MCF2L2: variants seen among roughly 807,000 people sequenced by gnomAD.
MCF2L2 encodes the protein probable guanine nucleotide exchange factor MCF2L2.
In MCF2L2, 102 loss-of-function variants were observed where a neutral mutation model predicts 150.2. The observed-to-expected ratio is 0.68, with a 90% CI of 0.58 to 0.80. MCF2L2 has a LOEUF of 0.80. Ranked by LOEUF, MCF2L2 falls within the 30% of genes least tolerant of loss-of-function variation. MCF2L2 has a pLI of 0.00. For missense variants in MCF2L2, 1,256 were observed against 1,372.8 expected, an observed-to-expected ratio of 0.91 and a Z score of 1.34; for synonymous variants, 465 against 491.3, an observed-to-expected ratio of 0.95 and a Z score of 0.71.
intron 7 of MCF2L2, among the ~76,000 whole-genome samples, chr3:183,313,650 T>C (rs1308297361): frequency 6.6e-6 from 1 of 152,162 alleles, no homozygotes; most frequent in Non-Finnish European, 1.5e-5. Context: ...TCAGTTTCCA[T>C]GGAAAGAAAA....
At chr3:183,423,636 T>A (rs58479445) in intron 1 of MCF2L2, among the ~76,000 whole-genome samples, 11 of 106,214 alleles carry the variant, frequency 1.0e-4, no homozygotes, top group East Asian at 2.4e-4. Context: ...TTATTTGTTT[T>A]TTTTTTTTTT....
At chr3:183,274,212 C>CA (rs141319160) in intron 15 of MCF2L2, among the ~76,000 whole-genome samples, 4,249 of 126,546 alleles carry the variant, frequency 0.034, 122 homozygotes, top group African/African-American at 0.087. Flanking sequence ...GAGACTGTCT[C>CA]AAAAAAAAAA....
chr3:183,351,460 T>C (rs1181145496), intron 3 of MCF2L2, among the ~76,000 whole-genome samples: 1 of 151,832 alleles, frequency 6.6e-6, no homozygotes, highest in African/African-American at 2.4e-5. Flanking sequence ...CTGAGTCAAA[T>C]GTAGGGTGAC....
chr3:183,252,549 T>G (rs1263238110), intron 15 of MCF2L2, among the ~76,000 whole-genome samples: 2 of 152,228 alleles, frequency 1.3e-5, no homozygotes, highest in African/African-American at 4.8e-5. Context: ...GGGGTCTTGC[T>G]ATGTTGGCCA....
At chr3:183,256,563 C>A (rs1206350065) in intron 15 of MCF2L2, among the ~76,000 whole-genome samples, 3 of 152,184 alleles carry the variant, frequency 2.0e-5, no homozygotes, top group Non-Finnish European at 4.4e-5. Context: ...GAAGCCAGTT[C>A]TCTACAAAAG....
chr3:183,311,372 A>T (rs1577054386), intron 8 of MCF2L2, among the ~76,000 whole-genome samples: 2 of 152,222 alleles, frequency 1.3e-5, no homozygotes, highest in East Asian at 3.8e-4. Flanking sequence ...TGTTACTTGG[A>T]AATGAAGCCC....
intron 27 of MCF2L2, among the ~76,000 whole-genome samples, chr3:183,183,034 C>T (rs1293885921): frequency 6.6e-6 from 1 of 152,188 alleles, no homozygotes; most frequent in Non-Finnish European, 1.5e-5. Flanking sequence ...TCTGGCTTGT[C>T]ACCCAGGTTG....
chr3:183,358,240 C>T (rs1253752026), intron 3 of MCF2L2, among the ~76,000 whole-genome samples: 1 of 152,064 alleles, frequency 6.6e-6, no homozygotes, highest in Middle Eastern at 3.2e-3. Context: ...TTGCAGTGAA[C>T]CAAGATCCCA....
chr3:183,204,284 T>C (rs1037049797), intron 25 of MCF2L2, among the ~76,000 whole-genome samples: 1 of 152,150 alleles, frequency 6.6e-6, no homozygotes, highest in African/African-American at 2.4e-5. Context: ...CTCTTACAAT[T>C]CAACCATAAA....
At chr3:183,259,410 G>C (rs1321110400) in intron 15 of MCF2L2, among the ~76,000 whole-genome samples, 1 of 152,148 alleles carries the variant, frequency 6.6e-6, no homozygotes, top group Non-Finnish European at 1.5e-5. Context: ...CTTATTGATA[G>C]GAGAACTTGT....
At chr3:183,244,433 G>T (rs180977340) in intron 15 of MCF2L2, among the ~76,000 whole-genome samples, 157 of 152,286 alleles carry the variant, frequency 1.0e-3, no homozygotes, top group African/African-American at 3.7e-3. Flanking sequence ...TGACTCCTCA[G>T]CTTGCAGATG....
At chr3:183,322,255 A>T (rs1401788421) in intron 6 of MCF2L2, among the ~76,000 whole-genome samples, 2 of 152,222 alleles carry the variant, frequency 1.3e-5, no homozygotes, top group Non-Finnish European at 2.9e-5. Flanking sequence ...AAAATACTAT[A>T]TATCAGGTGC....
intron 15 of MCF2L2, chr3:183,272,753 G>A: frequency 9.4e-7 from 1 of 1,069,238 alleles, no homozygotes; most frequent in Non-Finnish European, 1.1e-6. Flanking sequence ...TTAGTTGATT[G>A]ATTAATGATG....
intron 18 of MCF2L2, 45 bp from the exon 19 acceptor site, chr3:183,224,235 CA>C: frequency 8.1e-7 from 1 of 1,233,440 alleles, no homozygotes; most frequent in Non-Finnish European, 1.2e-6. Flanking sequence ...CAGCATTTTT[CA>C]GTAAGTGGAC....
intron 5 of MCF2L2, among the ~76,000 whole-genome samples, chr3:183,335,642 A>T (rs973131967): frequency 2.6e-5 from 4 of 151,774 alleles, no homozygotes; most frequent in Non-Finnish European, 5.9e-5. Flanking sequence ...CCCAGGCAGG[A>T]GGATAGGTTG....
At chr3:183,193,197 G>T in intron 26 of MCF2L2, 101 bp from the exon 27 acceptor site, 2 of 949,890 alleles carry the variant, frequency 2.1e-6, no homozygotes, top group Non-Finnish European at 3.4e-6. Context: ...GTGTATCTCT[G>T]GTCTAGGTCT....
At chr3:183,217,398 G>C (rs1164112176) in intron 21 of MCF2L2, among the ~76,000 whole-genome samples, 1 of 151,704 alleles carries the variant, frequency 6.6e-6, no homozygotes, top group Non-Finnish European at 1.5e-5. Context: ...CTTGAACACG[G>C]GAGGTGGAGT....
intron 3 of MCF2L2, chr3:183,375,674 A>T (rs1183087240): frequency 3.9e-5 from 6 of 152,136 alleles, no homozygotes; most frequent in Non-Finnish European, 8.8e-5. Flanking sequence ...GCGAGATCCT[A>T]ATTAATTTCA....
chr3:183,351,190 G>GTGTATATATATATA (rs1491563903), intron 3 of MCF2L2, among the ~76,000 whole-genome samples: 5 of 38,840 alleles, frequency 1.3e-4, no homozygotes, highest in African/African-American at 3.5e-4. Flanking sequence ...ATTTTCTTAA[G>GTGTATATATATATA]TATATATATA....
Sources: gnomAD v4.1 joint callset for allele counts (sites outside exome capture counted in the v4.1 genomes callset) on GRCh38, gnomAD v4.1.1 for gene constraint, MANE v1.5 for transcripts, NCBI Gene and HGNC (gene_info 2026-07-23, HGNC 2026-07-21) for gene names.